Variants in LRP6 observed in about 807,000 individuals in gnomAD.
The protein encoded by LRP6 is LDL receptor related protein 6.
A neutral mutation model predicts 184.1 loss-of-function variants in LRP6; 43 were observed. That is an observed-to-expected ratio of 0.23 (90% CI 0.18 to 0.30). The LOEUF is 0.30. LRP6 is among the 10% of genes least tolerant of loss of function. The pLI, the probability that LRP6 is intolerant of heterozygous loss-of-function variation, is 1.00. For missense variants in LRP6, 1,571 were observed against 2,005.3 expected (o/e 0.78, Z 4.14); for synonymous variants, 719 against 684.9 (o/e 1.05, Z -0.78).
intron 12 of LRP6, among the ~76,000 whole-genome samples, chr12:12,154,607 G>T (rs975079063): frequency 2.6e-5 from 4 of 152,130 alleles, no homozygotes; most frequent in African/African-American, 9.7e-5. Flanking sequence ...GCATGTGCTC[G>T]TAGTTCCAGC....
intron 15 of LRP6, among the ~76,000 whole-genome samples, chr12:12,145,969 CTGTGTATACACAG>C (rs1335466991): frequency 6.6e-6 from 1 of 152,068 alleles, no homozygotes; most frequent in Non-Finnish European, 1.5e-5. Context: ...TATACATACA[CTGTGTATACACAG>C]TGTATATACT....
chr12:12,191,794 C>A (rs374466128), intron 3 of LRP6, among the ~76,000 whole-genome samples: 4 of 150,878 alleles, frequency 2.7e-5, no homozygotes, highest in East Asian at 3.9e-4. Context: ...GAAATGAAGT[C>A]TACGAAATAA....
chr12:12,266,664 GC>G lies in LRP6; in HGVS notation c.55+16del, dbSNP rs756899240. 5 of 1,609,630 alleles carry G rather than the reference GC, an allele frequency of 3.1e-6. No individual in the cohort carries two copies. The highest frequency in any genetic ancestry group is 4.2e-6 in the Non-Finnish European group (5 of 1,177,996). On this transcript the variant is annotated intron_variant, in intron 1 of 22. Transcript: ENST00000261349. ...CCCCGAACCCCACCAACTTTCCAGT[GC>G]CCCCACTCTTCCCACCTCTCAGGAG... is the stretch of plus-strand genomic sequence containing the variant.
chr12:12,192,242 G>T (rs1202901160), intron 3 of LRP6, among the ~76,000 whole-genome samples: 2 of 151,902 alleles, frequency 1.3e-5, no homozygotes, highest in East Asian at 3.8e-4. Flanking sequence ...TTGACAAAAT[G>T]CACGTTGCAA....
rs1591921294 is a variant in LRP6 at position 12,181,101 on chromosome 12, T to C, written c.1315A>G (p.Ile439Val). 3 of 1,614,102 alleles carry C rather than the reference T, an allele frequency of 1.9e-6. No homozygotes were observed. Among genetic ancestry groups the C allele is most frequent in the Admixed American group, 1.7e-5 (1 of 60,008 alleles). ...TCCTCTAAGTCCTCTGAAATCAAGA[T>C]CTTCCTCATGGTCCCATTGAGCCTT... ...VTRLNGTMRKILISEDLEEPR... is the reference protein window; with the variant it reads ...VTRLNGTMRKVLISEDLEEPR... Residue 439 changes from isoleucine (I) to valine (V), a missense_variant, in exon 6 of 23, where the codon ATC becomes GTC. By Grantham distance (29) the Ile-to-Val change is conservative. This residue lies in a region of LRP6 where 640 missense variants were observed against 851.9 expected (regional missense o/e 0.75). Transcript: ENST00000261349.
chr12:12,200,115 A>G (rs1035890463), intron 3 of LRP6, among the ~76,000 whole-genome samples: 3 of 152,116 alleles, frequency 2.0e-5, no homozygotes, highest in African/African-American at 7.2e-5. Flanking sequence ...CAAGAATTTC[A>G]GCATACTGTG....
intron 4 of LRP6, among the ~76,000 whole-genome samples, chr12:12,184,993 A>G (rs1863434934): frequency 6.6e-6 from 1 of 152,100 alleles, no homozygotes; most frequent in Admixed American, 6.5e-5. Flanking sequence ...CAACAATGCC[A>G]TTTAAAAAGA....
chr12:12,125,378 C>G lies in LRP6; in HGVS notation c.4367G>C (p.Ser1456Thr), dbSNP rs367658176. ...ISSLSIMGGS[S>T]GPPYDRAHVT... The stretch of plus-strand genomic sequence containing the variant: ...ATGGGCTCGGTCATAGGGGGGTCCA[C>G]TGCTTCCCCCCATGATACTGAGGGA... Residue 1456 changes from serine to threonine, a missense_variant, in exon 21 of 23, where the codon AGT becomes ACT. Around this residue, in one of 4 missense-constraint regions of LRP6, gnomAD observed 763 missense variants for 859.5 expected, o/e 0.89. Transcript: ENST00000261349. 18 of 1,613,604 alleles carry G rather than the reference C, an allele frequency of 1.1e-5. No homozygotes were observed. The African/African-American group carries it at 2.1e-4, about 19-fold the overall frequency.
chr12:12,253,912 G>C (rs542939118), intron 1 of LRP6, among the ~76,000 whole-genome samples: 34 of 151,998 alleles, frequency 2.2e-4, no homozygotes, highest in Non-Finnish European at 3.7e-4. Flanking sequence ...GGGAAGCTGA[G>C]GTGGGCATAT....
intron 7 of LRP6, among the ~76,000 whole-genome samples, chr12:12,171,337 A>C (rs542194171): frequency 6.6e-6 from 1 of 152,222 alleles, no homozygotes; most frequent in South Asian, 2.1e-4. Flanking sequence ...TAACATGGTG[A>C]AACTCCATCT....
intron 1 of LRP6, among the ~76,000 whole-genome samples, chr12:12,264,457 G>A (rs538539714): frequency 1.8e-4 from 28 of 152,212 alleles, no homozygotes; most frequent in Admixed American, 4.6e-4. Flanking sequence ...CTTGTCATGT[G>A]ATGATAGAGA....
chr12:12,123,841 G>A (rs1350685604), intron 22 of LRP6, among the ~76,000 whole-genome samples: 3 of 152,206 alleles, frequency 2.0e-5, no homozygotes, highest in Non-Finnish European at 2.9e-5. Context: ...AATAGCATAT[G>A]CAAGCAATGG....
chr12:12,221,402 T>G (rs779100409), intron 2 of LRP6, among the ~76,000 whole-genome samples: 1 of 152,164 alleles, frequency 6.6e-6, no homozygotes. Flanking sequence ...TGCTTTAGCA[T>G]GTTTAAGACT....
At chr12:12,151,989 A>G (rs1227801064) in intron 12 of LRP6, among the ~76,000 whole-genome samples, 1 of 152,180 alleles carries the variant, frequency 6.6e-6, no homozygotes, top group Non-Finnish European at 1.5e-5. Context: ...TACAAAAATA[A>G]TAATAGATGC....
chr12:12,145,672 C>A (rs1216830939), intron 15 of LRP6, among the ~76,000 whole-genome samples: 1 of 136,922 alleles, frequency 7.3e-6, no homozygotes. Context: ...CGTTCCATAA[C>A]CCAGGCTGGA....
chr12:12,130,749 T>A, intron 19 of LRP6, 34 bp downstream of exon 19: 1 of 1,339,318 alleles, frequency 7.5e-7, no homozygotes, highest in Non-Finnish European at 1.1e-6. Flanking sequence ...AAATTCTCTG[T>A]TAAGAGTAAT....
chr12:12,164,598 A>G, intron 8 of LRP6, 36 bp from the exon 9 acceptor site: 2 of 1,591,980 alleles, frequency 1.3e-6, no homozygotes, highest in Non-Finnish European at 1.7e-6. Context: ...ACAGAAGGAC[A>G]CACACATTGA....
intron 2 of LRP6, among the ~76,000 whole-genome samples, chr12:12,239,395 G>T (rs531941894): frequency 3.3e-5 from 5 of 152,232 alleles, no homozygotes; most frequent in Admixed American, 6.5e-5. Context: ...GGAAAGGCAC[G>T]GTCCAAGTGG....
At chr12:12,158,108 G>A (rs182487649) in intron 12 of LRP6, among the ~76,000 whole-genome samples, 1 of 152,150 alleles carries the variant, frequency 6.6e-6, no homozygotes, top group Admixed American at 6.5e-5. Context: ...CTTTATACTG[G>A]GTTACATGTT....
Sources: gnomAD v4.1 joint callset for allele counts (sites outside exome capture counted in the v4.1 genomes callset) on GRCh38, gnomAD v4.1.1 for gene constraint, gnomAD v4.1.1 regional missense constraint, MANE v1.5 for transcripts, NCBI Gene and HGNC (gene_info 2026-07-23, HGNC 2026-07-21) for gene names.